BMP2K: variants seen among roughly 807,000 people sequenced by gnomAD.
BMP2K encodes the protein BMP2 inducible kinase.
In BMP2K, 74 loss-of-function variants were observed where a neutral mutation model predicts 116.0. The ratio of observed to expected loss-of-function variants is 0.64; its 90% CI spans 0.53 to 0.77. BMP2K has a LOEUF of 0.77. BMP2K is among the 30% of genes least tolerant of loss of function. The pLI is 0.00. For synonymous variants in BMP2K, 486 were observed against 502.5 expected (o/e 0.97, Z 0.44); for missense variants, 1,365 against 1,403.6 (o/e 0.97, Z 0.44).
intron 7 of BMP2K, among the ~76,000 whole-genome samples, chr4:78,856,023 T>C (rs751404521): frequency 1.6e-4 from 24 of 152,134 alleles, no homozygotes; most frequent in Non-Finnish European, 2.9e-4. Context: ...GACACATACA[T>C]TCCTTAATCC....
At chr4:78,806,269 G>C (rs553274372) in intron 1 of BMP2K, among the ~76,000 whole-genome samples, 2 of 151,878 alleles carry the variant, frequency 1.3e-5, no homozygotes, top group Admixed American at 6.6e-5. Flanking sequence ...TAGAACTCCT[G>C]GACTCATGCA....
chr4:78,820,682 C>T (rs1729574751), intron 1 of BMP2K: 1 of 152,540 alleles, frequency 6.6e-6, no homozygotes, highest in African/African-American at 2.4e-5. Context: ...AGCAATTCTC[C>T]TGCCTCAGCC....
chr4:78,895,750 A>G (rs1733669055), intron 15 of BMP2K, among the ~76,000 whole-genome samples: 1 of 152,164 alleles, frequency 6.6e-6, no homozygotes, highest in African/African-American at 2.4e-5. Flanking sequence ...TAATTTTTAT[A>G]TGAACACAGC....
intron 1 of BMP2K, among the ~76,000 whole-genome samples, chr4:78,819,688 C>T (rs1224009737): frequency 6.6e-6 from 1 of 152,132 alleles, no homozygotes; most frequent in African/African-American, 2.4e-5. Flanking sequence ...ACTCCGAAAG[C>T]CTTGCTTCCA....
In BMP2K at chr4:78,776,639, C is replaced by T. The variant is rs1727255505; in HGVS notation, c.96C>T (p.Cys32=). The change falls in exon 1 of 16, where the codon TGC becomes TGT. Residue 32 remains cysteine (C), a synonymous_variant. Transcript: ENST00000502613. ...GAGGAGAGAG[C]GSGGSSVGVR... is the part of the protein sequence containing the mutation. ...GCGGGGCCGGGGCCGGGGCCGGCTG[C>T]GGCTCCGGCGGCTCGTCCGTGGGGG... is the stretch of plus-strand genomic sequence containing the variant. 3.3e-6 allele frequency: 4 copies of T among 1,217,396 alleles called. No homozygotes were observed. Among genetic ancestry groups the T allele is most frequent in the Non-Finnish European group, 1.0e-6 (1 of 975,158 alleles). 75.4% of individuals were successfully genotyped at this position (1,217,396 alleles called of 1,614,324 possible). A position where few individuals can be genotyped will look rare whatever the true frequency, so the allele number is the denominator to read the frequency against.
At chr4:78,860,974 C>A (rs146274193) in intron 8 of BMP2K, among the ~76,000 whole-genome samples, 1,713 of 151,844 alleles carry the variant, frequency 0.011, 14 homozygotes, top group Middle Eastern at 0.02. Context: ...ATTTTCCAGG[C>A]CTTACATTCT....
intron 10 of BMP2K, among the ~76,000 whole-genome samples, chr4:78,869,404 G>A (rs1732222010): frequency 6.6e-6 from 1 of 152,102 alleles, no homozygotes; most frequent in Non-Finnish European, 1.5e-5. Flanking sequence ...GAGATTTACT[G>A]AAGGATATAA....
intron 1 of BMP2K, among the ~76,000 whole-genome samples, chr4:78,781,473 C>T (rs1322507910): frequency 6.7e-6 from 1 of 148,320 alleles, no homozygotes; most frequent in Non-Finnish European, 1.5e-5. Flanking sequence ...GTAGTTCAGA[C>T]ATGTTTAGAG....
Position 78,778,703 on chromosome 4 carries a change from C to A in BMP2K, c.178+1982C>A, listed in dbSNP as rs114879832. 6.2e-3 allele frequency among the ~76,000 whole-genome samples: 942 copies of A among 152,320 alleles called. 13 individuals carry two copies. Among genetic ancestry groups the A allele is most frequent in the African/African-American group, 0.022 (896 of 41,558 alleles). ...TTTCAGATGCTTAATATCCCCTCTC[C>A]CTTCCTAATAAATAGTGCCACAATT... is the stretch of plus-strand genomic sequence containing the variant. On this transcript the variant is annotated intron_variant, in intron 1 of 15. Transcript: ENST00000502613.
chr4:78,859,595 G>T lies in BMP2K; in HGVS notation c.895G>T (p.Glu299Ter). The change falls in exon 8 of 16, where the codon GAA becomes TAA. Residue 299 changes from glutamate to a stop codon, truncating the protein, a stop_gained. Coordinates refer to ENST00000502613, the MANE Select transcript of BMP2K (RefSeq NM_198892.2). LOFTEE classifies it high-confidence loss of function. ...NIHCLIRFMLEPDPEHRPDIF... is the reference protein window; with the variant it reads ...NIHCLIRFML Reference sequence around the variant, plus strand: ...ATCTATTCTTGCAGGGTTCATGCTTGAACCAGATCCGGAACATAGACCTGA... The same window carrying T: ...ATCTATTCTTGCAGGGTTCATGCTTTAACCAGATCCGGAACATAGACCTGA... 2 of 1,607,830 alleles carry T rather than the reference G, an allele frequency of 1.2e-6. No individual in the cohort carries two copies. Among genetic ancestry groups the T allele is most frequent in the South Asian group, 1.1e-5 (1 of 90,210 alleles).
intron 9 of BMP2K, among the ~76,000 whole-genome samples, 199 bp from the exon 10 acceptor site, chr4:78,865,358 G>T (rs539243475): frequency 4.5e-4 from 68 of 152,194 alleles, no homozygotes; most frequent in African/African-American, 1.5e-3. Flanking sequence ...ACTGTTTTAA[G>T]GAAAATTGTT....
chr4:78,899,993 G>A (rs1319382531), intron 15 of BMP2K, among the ~76,000 whole-genome samples: 1 of 152,096 alleles, frequency 6.6e-6, no homozygotes. Context: ...ATATACAGTC[G>A]ATCCTTGAAC....
At chr4:78,858,487 G>A (rs959625789) in intron 7 of BMP2K, among the ~76,000 whole-genome samples, 4 of 151,796 alleles carry the variant, frequency 2.6e-5, no homozygotes, top group Admixed American at 6.6e-5. Context: ...CAGAGTTTTC[G>A]TATATTTTAC....
chr4:78,857,326 T>G (rs1731551923), intron 7 of BMP2K, among the ~76,000 whole-genome samples: 1 of 152,074 alleles, frequency 6.6e-6, no homozygotes, highest in Admixed American at 6.6e-5. Context: ...CCAGGGGAAT[T>G]GGAGGTCCTT....
At chr4:78,800,581 T>C (rs1728518208) in intron 1 of BMP2K, among the ~76,000 whole-genome samples, 1 of 152,232 alleles carries the variant, frequency 6.6e-6, no homozygotes, top group Non-Finnish European at 1.5e-5. Flanking sequence ...TTGTTTAGTG[T>C]CAGGTTAATT....
At chr4:78,846,813 ACTTTT>A (rs1488095978) in intron 5 of BMP2K, among the ~76,000 whole-genome samples, 2 of 151,630 alleles carry the variant, frequency 1.3e-5, no homozygotes, top group African/African-American at 4.8e-5. Flanking sequence ...TGGAAGTTTT[ACTTTT>A]AAGTTAATAG....
chr4:78,776,641 G>A lies in BMP2K; in HGVS notation c.98G>A (p.Gly33Asp). The change falls in exon 1 of 16, where the codon GGC (glycine) becomes GAC (aspartate). Residue 33 changes from glycine (G) to aspartate (D), a missense_variant. By Grantham distance (94) the Gly-to-Asp change is moderately conservative. Around this residue, in one of 3 missense-constraint regions of BMP2K, gnomAD observed 762 missense variants for 756.7 expected, o/e 1.01. Transcript: ENST00000502613. ...GGGGCCGGGGCCGGGGCCGGCTGCGGCTCCGGCGGCTCGTCCGTGGGGGTC... is the reference window on the plus strand; with the variant it reads ...GGGGCCGGGGCCGGGGCCGGCTGCGACTCCGGCGGCTCGTCCGTGGGGGTC... ...AGGAGAGAGC[G>D]SGGSSVGVRV... The A allele has an allele frequency of 1.6e-6, 2 of 1,219,678 alleles. No individual in the cohort carries two copies. The highest frequency in any genetic ancestry group is 6.4e-4 in the Middle Eastern group (2 of 3,114). The allele number at this position is 1,219,678 out of a possible 1,614,324, so 75.6% of individuals were successfully genotyped here. A position where few individuals can be genotyped will look rare whatever the true frequency, so the allele number is the denominator to read the frequency against.
chr4:78,825,011 T>C (rs1240029477), intron 1 of BMP2K, among the ~76,000 whole-genome samples: 2 of 152,130 alleles, frequency 1.3e-5, no homozygotes, highest in African/African-American at 4.8e-5. Context: ...ACCAGCAGCC[T>C]GGCCAACATA....
chr4:78,884,143 G>T (rs1053754961), intron 14 of BMP2K, among the ~76,000 whole-genome samples: 3 of 151,956 alleles, frequency 2.0e-5, no homozygotes, highest in Admixed American at 6.6e-5. Context: ...ACCAGCCTGG[G>T]CAACATAGAG....
Sources: gnomAD v4.1 joint callset for allele counts (sites outside exome capture counted in the v4.1 genomes callset) on GRCh38, gnomAD v4.1.1 for gene constraint, gnomAD v4.1.1 regional missense constraint, MANE v1.5 for transcripts, NCBI Gene and HGNC (gene_info 2026-07-23, HGNC 2026-07-21) for gene names.